ERC2: variants seen among roughly 807,000 people sequenced by gnomAD.
ERC2 encodes ERC protein 2.
ERC2 carries 42 observed loss-of-function variants against 114.8 expected under a neutral mutation model. The ratio of observed to expected loss-of-function variants is 0.37; its 90% confidence interval spans 0.29 to 0.47. The LOEUF is 0.47. Among genes scored for constraint, ERC2 ranks in the 20% least tolerant of loss-of-function variants. ERC2 has a pLI of 0.99. For synonymous variants in ERC2, 454 were observed against 425.5 expected, an observed-to-expected ratio of 1.07 and a Z score of -0.82; for missense variants, 939 against 1,150.7, an observed-to-expected ratio of 0.82 and a Z score of 2.66.
chr3:56,361,146 T>C (rs1377997763), intron 2 of ERC2, among the ~76,000 whole-genome samples: 1 of 150,940 alleles, frequency 6.6e-6, no homozygotes, highest in Non-Finnish European at 1.5e-5. Context: ...CTATGGAGAG[T>C]GGGGAAGCTT....
chr3:55,906,867 C>A (rs1277620460), intron 13 of ERC2, among the ~76,000 whole-genome samples: 1 of 152,178 alleles, frequency 6.6e-6, no homozygotes, highest in Non-Finnish European at 1.5e-5. Context: ...GCAAAGGATT[C>A]CCTGGCTCAT....
At chr3:55,682,150 T>A (rs959080113) in intron 17 of ERC2, among the ~76,000 whole-genome samples, 1 of 152,198 alleles carries the variant, frequency 6.6e-6, no homozygotes, top group African/African-American at 2.4e-5. Flanking sequence ...AATTGCCACT[T>A]TTATTAGCTT....
At chr3:56,195,754 G>C (rs1194478026) in intron 3 of ERC2, among the ~76,000 whole-genome samples, 1 of 152,072 alleles carries the variant, frequency 6.6e-6, no homozygotes, top group Non-Finnish European at 1.5e-5. Context: ...TTGAGCCCGA[G>C]GGGTCAAGGC....
At chr3:55,706,153 C>T (rs1317791548) in intron 15 of ERC2, among the ~76,000 whole-genome samples, 1 of 152,164 alleles carries the variant, frequency 6.6e-6, no homozygotes, top group Non-Finnish European at 1.5e-5. Flanking sequence ...ATCCTGGCCC[C>T]TCAGTGGACA....
At chr3:55,707,357 T>C (rs1462370996) in intron 15 of ERC2, among the ~76,000 whole-genome samples, 1 of 152,224 alleles carries the variant, frequency 6.6e-6, no homozygotes, top group East Asian at 1.9e-4. Context: ...GAGGATCACC[T>C]GAGCACAGAA....
intron 6 of ERC2, among the ~76,000 whole-genome samples, chr3:56,111,027 A>G (rs929797650): frequency 1.3e-5 from 2 of 152,020 alleles, no homozygotes; most frequent in African/African-American, 4.8e-5. Context: ...CCACCGAGGG[A>G]CAGTGGCTCA....
At chr3:55,669,220 C>T (rs532436964) in intron 17 of ERC2, among the ~76,000 whole-genome samples, 22 of 152,202 alleles carry the variant, frequency 1.4e-4, no homozygotes, top group Non-Finnish European at 1.9e-4. Flanking sequence ...CGGAAGTTTG[C>T]ACAAGGAGCT....
At chr3:55,889,110 C>A (rs1459538521) in intron 13 of ERC2, among the ~76,000 whole-genome samples, 7 of 152,146 alleles carry the variant, frequency 4.6e-5, no homozygotes, top group African/African-American at 1.4e-4. Flanking sequence ...CAGATACTTT[C>A]TCACCATTGA....
chr3:56,167,135 T>G (rs536939078), intron 4 of ERC2, among the ~76,000 whole-genome samples: 61 of 152,258 alleles, frequency 4.0e-4, no homozygotes, highest in South Asian at 1.2e-3. Flanking sequence ...TGCTACCTTC[T>G]CCAAAAAGCA....
At chr3:56,223,811 T>C (rs1232947634) in intron 3 of ERC2, among the ~76,000 whole-genome samples, 1 of 152,184 alleles carries the variant, frequency 6.6e-6, no homozygotes, top group African/African-American at 2.4e-5. Context: ...AGTATTTTCC[T>C]CTCCACTAAG....
intron 17 of ERC2, among the ~76,000 whole-genome samples, chr3:55,673,537 C>T (rs1419748601): frequency 1.3e-5 from 2 of 152,076 alleles, no homozygotes; most frequent in Non-Finnish European, 2.9e-5. Context: ...CAGCCAAGAT[C>T]ACACCACTGC....
intron 4 of ERC2, among the ~76,000 whole-genome samples, chr3:56,160,367 T>C (rs148044386): frequency 1.3e-5 from 2 of 152,346 alleles, no homozygotes; most frequent in Non-Finnish European, 2.9e-5. Context: ...TGATAGATTC[T>C]GGATATTAGA....
chr3:56,235,270 C>A (rs2050869367), intron 3 of ERC2, among the ~76,000 whole-genome samples: 1 of 152,154 alleles, frequency 6.6e-6, no homozygotes, highest in South Asian at 2.1e-4. Context: ...ATAGGTATGG[C>A]CCCTGTCCAC....
chr3:56,408,217 G>A (rs552697724), intron 2 of ERC2, among the ~76,000 whole-genome samples: 1 of 152,258 alleles, frequency 6.6e-6, no homozygotes, highest in South Asian at 2.1e-4. Context: ...CAAACGTGTG[G>A]AGTTGCCTTC....
chr3:55,758,716 A>T (rs1375146671), intron 14 of ERC2, among the ~76,000 whole-genome samples: 1 of 152,224 alleles, frequency 6.6e-6, no homozygotes, highest in African/African-American at 2.4e-5. Context: ...TGGATATGGG[A>T]TCTTTCCCCT....
chr3:55,622,351 T>G (rs2059363478), intron 17 of ERC2, among the ~76,000 whole-genome samples: 1 of 152,200 alleles, frequency 6.6e-6, no homozygotes, highest in Non-Finnish European at 1.5e-5. Context: ...AAGTAGACAG[T>G]GACACATCAT....
At chr3:56,083,613 A>G (rs2149765129) in intron 6 of ERC2, among the ~76,000 whole-genome samples, 1 of 152,330 alleles carries the variant, frequency 6.6e-6, no homozygotes, top group African/African-American at 2.4e-5. Flanking sequence ...ATATCTTACA[A>G]CAATGTCTTT....
At chr3:55,748,457 C>T (rs2066446988) in intron 14 of ERC2, among the ~76,000 whole-genome samples, 1 of 152,148 alleles carries the variant, frequency 6.6e-6, no homozygotes, top group Non-Finnish European at 1.5e-5. Flanking sequence ...ACTGCTACCA[C>T]AGCAGAACCC....
intron 16 of ERC2, among the ~76,000 whole-genome samples, chr3:55,696,532 T>C (rs1203488897): frequency 6.6e-6 from 1 of 152,224 alleles, no homozygotes; most frequent in Non-Finnish European, 1.5e-5. Context: ...ATGGCTGTCA[T>C]TTTTCTCCTA....
Sources: allele counts gnomAD v4.1 joint callset (sites outside exome capture counted in the v4.1 genomes callset), GRCh38; gene constraint gnomAD v4.1.1; transcripts MANE v1.5; gene names NCBI Gene and HGNC (gene_info 2026-07-23, HGNC 2026-07-21).